The following FUT9 variants were observed in gnomAD, a reference collection of about 807,000 sequenced individuals.
The protein encoded by FUT9 is fucosyltransferase 9.
In FUT9, 15 loss-of-function variants were observed where a neutral mutation model predicts 29.7. The ratio of observed to expected loss-of-function variants is 0.51; its 90% CI spans 0.34 to 0.78. The LOEUF (loss-of-function observed/expected upper bound fraction) is 0.78, where lower values mean the gene tolerates loss of function less well. FUT9 is among the 30% of genes least tolerant of loss of function. The pLI is 0.01. For missense variants in FUT9, 319 were observed against 425.4 expected, an observed-to-expected ratio of 0.75 and a Z score of 2.20; for synonymous variants, 169 against 153.7, an observed-to-expected ratio of 1.10 and a Z score of -0.74.
chr6:96,083,393 A>G (rs192555030), intron 1 of FUT9, among the ~76,000 whole-genome samples: 75 of 152,238 alleles, frequency 4.9e-4, no homozygotes, highest in Admixed American at 9.8e-4. Flanking sequence ...AGTAGCAGAT[A>G]ATATTAAAAG....
chr6:96,136,227 A>C (rs1772347471), intron 2 of FUT9, among the ~76,000 whole-genome samples: 1 of 151,902 alleles, frequency 6.6e-6, no homozygotes, highest in South Asian at 2.1e-4. Context: ...AATGTCACCA[A>C]GAGTAATTAG....
At chr6:96,139,320 C>T (rs993213636) in intron 2 of FUT9, among the ~76,000 whole-genome samples, 3 of 152,170 alleles carry the variant, frequency 2.0e-5, no homozygotes, top group Admixed American at 6.5e-5. Flanking sequence ...GGTGAGTTCC[C>T]ACGGTCTTGG....
At chr6:96,182,187 C>A (rs2127986227) in intron 2 of FUT9, among the ~76,000 whole-genome samples, 1 of 152,134 alleles carries the variant, frequency 6.6e-6, no homozygotes, top group African/African-American at 2.4e-5. Context: ...TGATGTTGAG[C>A]ATTTTTTCAT....
At chr6:96,073,364 G>A (rs993430246) in intron 1 of FUT9, among the ~76,000 whole-genome samples, 2 of 151,280 alleles carry the variant, frequency 1.3e-5, no homozygotes, top group Non-Finnish European at 2.9e-5. Flanking sequence ...CAGAATAGTC[G>A]CTTGAACCCA....
intron 1 of FUT9, among the ~76,000 whole-genome samples, chr6:96,063,769 A>G (rs1165763987): frequency 6.6e-6 from 1 of 152,160 alleles, no homozygotes; most frequent in Admixed American, 6.5e-5. Flanking sequence ...ATCTTTGGAG[A>G]CGTAATTTGG....
chr6:96,040,606 G>A (rs990564185), intron 1 of FUT9, among the ~76,000 whole-genome samples: 19 of 152,236 alleles, frequency 1.2e-4, no homozygotes, highest in African/African-American at 4.1e-4. Context: ...GTAGAGGGTT[G>A]GAGTGACTAA....
At chr6:96,135,876 C>CA (rs1772339401) in intron 2 of FUT9, among the ~76,000 whole-genome samples, 1 of 151,070 alleles carries the variant, frequency 6.6e-6, no homozygotes, top group Admixed American at 6.6e-5. Context: ...AAGTGGGAAG[C>CA]AAACATTTCT....
intron 1 of FUT9, among the ~76,000 whole-genome samples, chr6:96,086,956 G>A (rs1196670804): frequency 4.6e-5 from 7 of 152,032 alleles, no homozygotes; most frequent in South Asian, 2.1e-4. Flanking sequence ...GCCAATTTTC[G>A]GTTAGCACCT....
At chr6:96,126,516 C>T (rs1315191109) in intron 2 of FUT9, among the ~76,000 whole-genome samples, 1 of 152,202 alleles carries the variant, frequency 6.6e-6, no homozygotes, top group Non-Finnish European at 1.5e-5. Flanking sequence ...CTTCAAAGCA[C>T]TCACTCAACA....
At chr6:96,192,621 T>C (rs559390353) in intron 2 of FUT9, among the ~76,000 whole-genome samples, 5 of 152,266 alleles carry the variant, frequency 3.3e-5, no homozygotes, top group Admixed American at 1.3e-4. Flanking sequence ...AAAATGGCCA[T>C]ACTGTCCAAG....
At chr6:96,105,787 T>C (rs1771668382) in intron 1 of FUT9, among the ~76,000 whole-genome samples, 1 of 152,198 alleles carries the variant, frequency 6.6e-6, no homozygotes, top group Non-Finnish European at 1.5e-5. Context: ...TTCCCAAACA[T>C]CTGCAACAAA....
At chr6:96,080,069 T>C (rs1235448012) in intron 1 of FUT9, among the ~76,000 whole-genome samples, 1 of 151,980 alleles carries the variant, frequency 6.6e-6, no homozygotes, top group East Asian at 1.9e-4. Context: ...CAAATTCATA[T>C]ATATTTGTGA....
rs4240605 is a variant in FUT9, at chr6:96,210,384, C to G, written c.*6149C>G. The G allele has an allele frequency of 0.92, 153,300 of 166,584 alleles. 71,934 individuals are homozygous for G. The highest frequency in any genetic ancestry group is 1 in the Non-Finnish European group (67,859 of 67,988). The allele number at this position is 166,584 out of a possible 1,614,324, so 10.3% of individuals were successfully genotyped here. A position where few individuals can be genotyped will look rare whatever the true frequency, so the allele number is the denominator to read the frequency against. ...CAGTTGCGAGTTGCTTATAGTAGTT[C>G]GCGAACCTGAATGCACATTAGAACC... On this transcript the variant is annotated 3_prime_UTR_variant, in exon 3 of 3. Coordinates refer to ENST00000302103, the MANE Select transcript of FUT9 (RefSeq NM_006581.4).
At chr6:96,035,828 G>GTATTATATTAATATAATATATTATGTT (rs1770349256) in intron 1 of FUT9, among the ~76,000 whole-genome samples, 2 of 123,818 alleles carry the variant, frequency 1.6e-5, no homozygotes, top group African/African-American at 6.0e-5. Flanking sequence ...TATATTATAT[G>GTATTATATTAATATAATATATTATGTT]TATTATATTA....
At chr6:96,050,666 AT>A (rs1770649700) in intron 1 of FUT9, among the ~76,000 whole-genome samples, 1 of 152,350 alleles carries the variant, frequency 6.6e-6, no homozygotes, top group South Asian at 2.1e-4. Context: ...TTTAAGTAGC[AT>A]TGATCTCAGA....
chr6:96,203,961 T>C lies in FUT9; in HGVS notation c.806T>C (p.Val269Ala). The change falls in exon 3 of 3, where the codon GTT (valine) becomes GCT (alanine). Residue 269 changes from valine (V) to alanine (A), a missense_variant. Transcript: ENST00000302103. ...NAFLAGSVPVVLGPSRENYEN... is the reference protein window; with the variant it reads ...NAFLAGSVPVALGPSRENYEN... ...TTTCTGGCTGGCTCTGTACCTGTTG[T>C]TCTGGGACCATCTAGGGAAAACTAT... 6.2e-7 allele frequency: 1 copy of C among 1,613,734 alleles called. No homozygotes were observed. The highest frequency in any genetic ancestry group is 1.1e-5 in the South Asian group (1 of 91,084).
intron 1 of FUT9, among the ~76,000 whole-genome samples, chr6:96,039,110 T>C (rs1416355545): frequency 6.6e-6 from 1 of 152,152 alleles, no homozygotes; most frequent in Non-Finnish European, 1.5e-5. Context: ...ATGCATGACT[T>C]TCCTTTTGGT....
At chr6:96,117,222 A>G (rs1434086634) in intron 2 of FUT9, among the ~76,000 whole-genome samples, 1 of 152,218 alleles carries the variant, frequency 6.6e-6, no homozygotes, top group Non-Finnish European at 1.5e-5. Context: ...AGTACTTTGC[A>G]TGTATATTAG....
intron 1 of FUT9, among the ~76,000 whole-genome samples, chr6:96,034,710 C>T (rs1417782118): frequency 6.6e-6 from 1 of 151,666 alleles, no homozygotes; most frequent in African/African-American, 2.4e-5. Flanking sequence ...CACCTACATC[C>T]TTATACCCTA....
Sources: gnomAD v4.1 joint callset for allele counts (sites outside exome capture counted in the v4.1 genomes callset) on GRCh38, gnomAD v4.1.1 for gene constraint, MANE v1.5 for transcripts, NCBI Gene and HGNC (gene_info 2026-07-23, HGNC 2026-07-21) for gene names.